C9orf72: variants seen among roughly 807,000 people sequenced by gnomAD.
C9orf72 encodes guanine nucleotide exchange factor C9orf72.
Under a neutral mutation model 51.6 loss-of-function variants are expected in C9orf72, and 44 were observed. That is an observed-to-expected ratio of 0.85 (90% CI 0.67 to 1.10). The LOEUF (loss-of-function observed/expected upper bound fraction) is 1.10, where lower values mean the gene tolerates loss of function less well. C9orf72 is among the 50% of genes least tolerant of loss of function. C9orf72 has a pLI of 0.00. For synonymous variants in C9orf72, 213 were observed against 194.2 expected, an observed-to-expected ratio of 1.10 and a Z score of -0.81; for missense variants, 607 against 570.6, an observed-to-expected ratio of 1.06 and a Z score of -0.65.
At chr9:27,562,533 C>A in intron 3 of C9orf72, 57 bp from the exon 4 acceptor site, 1 of 822,420 alleles carries the variant, frequency 1.2e-6, no homozygotes, top group Non-Finnish European at 1.9e-6. Context: ...AGAAGCTGGG[C>A]AATAAAAAAT....
intron 1 of C9orf72, 126 bp downstream of exon 1, chr9:27,573,305 T>A (rs973726677): frequency 2.5e-5 from 4 of 163,046 alleles, no homozygotes; most frequent in African/African-American, 9.7e-5. Context: ...CCAGCTTCGG[T>A]CAGAGAAATG....
At chr9:27,561,897 C>G (rs1819359596) in intron 4 of C9orf72, among the ~76,000 whole-genome samples, 1 of 152,154 alleles carries the variant, frequency 6.6e-6, no homozygotes, top group Non-Finnish European at 1.5e-5. Flanking sequence ...CTGTCAGAAT[C>G]AGGAGACTAA....
chr9:27,567,462 T>A (rs1350283083), intron 1 of C9orf72, among the ~76,000 whole-genome samples: 1 of 152,154 alleles, frequency 6.6e-6, no homozygotes, highest in African/African-American at 2.4e-5. Context: ...TGTTACATAC[T>A]AAAGCTCATA....
Position 27,548,543 on chromosome 9 carries a change from G to C in C9orf72, c.1259+14C>G. 1 of 1,533,478 alleles carries C rather than the reference G, an allele frequency of 6.5e-7. No homozygotes were observed. The allele number at this position is 1,533,478 out of a possible 1,614,324, so 95.0% of individuals were successfully genotyped here. A position where few individuals can be genotyped will look rare whatever the true frequency, so the allele number is the denominator to read the frequency against. On this transcript the variant is annotated intron_variant, in intron 10 of 10. Transcript: ENST00000380003. ...TGTACAAAGGTTTTTCTTCCGTGTA[G>C]GAGTTTTACTCACGTATCGTCTTCT...
At chr9:27,569,097 TAAAATAG>T (rs1010094193) in intron 1 of C9orf72, among the ~76,000 whole-genome samples, 3 of 151,904 alleles carry the variant, frequency 2.0e-5, no homozygotes, top group African/African-American at 4.8e-5. Context: ...AAAAAAAATT[TAAAATAG>T]AAAATAGAAA....
chr9:27,566,029 C>G (rs753111644), intron 2 of C9orf72, among the ~76,000 whole-genome samples: 39 of 152,000 alleles, frequency 2.6e-4, no homozygotes, highest in Non-Finnish European at 2.5e-4. Flanking sequence ...TGGGCAAAAG[C>G]CTTTTAAAAC....
chr9:27,560,122 T>C (rs1819302935), intron 6 of C9orf72, 105 bp downstream of exon 6: 1 of 666,108 alleles, frequency 1.5e-6, no homozygotes, highest in Non-Finnish European at 2.4e-6. Context: ...TGCCTCCTTA[T>C]ACTACTAGAT....
intron 5 of C9orf72, chr9:27,560,808 A>T (rs2131539253): frequency 1.0e-6 from 1 of 959,918 alleles, no homozygotes; most frequent in African/African-American, 1.8e-5. Flanking sequence ...CTTCTCTTTT[A>T]TTAAAAGTAA....
chr9:27,566,141 T>C (rs1224788319), intron 2 of C9orf72, among the ~76,000 whole-genome samples: 1 of 152,088 alleles, frequency 6.6e-6, no homozygotes, highest in African/African-American at 2.4e-5. Flanking sequence ...GAAATGTAAA[T>C]AGCATTATAT....
intron 6 of C9orf72, 113 bp downstream of exon 6, chr9:27,560,114 C>T (rs938480304): frequency 6.9e-6 from 4 of 582,406 alleles, no homozygotes; most frequent in Admixed American, 3.8e-5. Flanking sequence ...GATTACATTG[C>T]CTCCTTATAC....
intron 3 of C9orf72, among the ~76,000 whole-genome samples, 175 bp from the exon 4 acceptor site, chr9:27,562,651 A>G (rs1157600937): frequency 1.3e-5 from 2 of 151,898 alleles, no homozygotes; most frequent in Non-Finnish European, 2.9e-5. Context: ...TATGCAATCC[A>G]AAGCTCACTT....
intron 1 of C9orf72, among the ~76,000 whole-genome samples, chr9:27,568,829 CCTT>C (rs1183819023): frequency 4.0e-5 from 6 of 151,884 alleles, no homozygotes; most frequent in Admixed American, 1.3e-4. Context: ...AGAGTGCACT[CCTT>C]CTACTTTTTT....
rs541581034 is a variant in C9orf72 at position 27,563,032 on chromosome 9, A to G, written c.505-556T>C. Among the ~76,000 whole-genome samples, 13 of 23,488 alleles carry G rather than the reference A, an allele frequency of 5.5e-4. No homozygotes were observed. The Admixed American group carries it at 0.01, about 19-fold the overall frequency. 15.4% of individuals were successfully genotyped at this position (23,488 alleles called of 152,430 possible). ...AAGATCTCCTTTAAAATTTGAGATA[A>G]AAAAAATTTGTTAAAGGTCATCAAT... On this transcript the variant is annotated intron_variant, in intron 3 of 10. Coordinates refer to ENST00000380003, the MANE Select transcript of C9orf72 (RefSeq NM_018325.5).
At chr9:27,558,036 AG>A (rs1241003238) in intron 7 of C9orf72, among the ~76,000 whole-genome samples, 1 of 150,200 alleles carries the variant, frequency 6.7e-6, no homozygotes, top group Non-Finnish European at 1.5e-5. Context: ...CTCAAATAAA[AG>A]AAAAATACAA....
Position 27,567,084 on chromosome 9 carries a change from C to T in C9orf72, c.37G>A (p.Ala13Thr), listed in dbSNP as rs1819485696. The change falls in exon 2 of 11, where the codon GCC (alanine) becomes ACC (threonine). Residue 13 changes from alanine to threonine, a missense_variant. Transcript: ENST00000380003. ...TLCPPPSPAV[A>T]KTEIALSGKS... ...CCACTTAAAGCAATCTCTGTCTTGG[C>T]AACAGCTGGAGATGGCGGTGGGCAA... is the stretch of plus-strand genomic sequence containing the variant. 6.2e-7 allele frequency: 1 copy of T among 1,613,916 alleles called. No homozygotes were observed. The highest frequency in any genetic ancestry group is 8.5e-7 in the Non-Finnish European group (1 of 1,179,846).
intron 6 of C9orf72, chr9:27,558,836 A>G (rs1587309488): frequency 2.5e-6 from 1 of 394,920 alleles, no homozygotes; most frequent in East Asian, 5.1e-5. Flanking sequence ...ATGGCATCTC[A>G]AAACCTTTAA....
chr9:27,570,507 T>C (rs1465442151), intron 1 of C9orf72, among the ~76,000 whole-genome samples: 1 of 152,086 alleles, frequency 6.6e-6, no homozygotes, highest in Non-Finnish European at 1.5e-5. Context: ...TAGGGAAACT[T>C]TTACCACGTT....
chr9:27,565,965 C>T (rs977243143), intron 2 of C9orf72, among the ~76,000 whole-genome samples: 4 of 152,080 alleles, frequency 2.6e-5, no homozygotes, highest in African/African-American at 9.7e-5. Context: ...GGAAGTAAGC[C>T]TGCAAACATA....
chr9:27,551,731 A>C (rs1587300631), intron 8 of C9orf72, among the ~76,000 whole-genome samples: 1 of 152,036 alleles, frequency 6.6e-6, no homozygotes, highest in South Asian at 2.1e-4. Flanking sequence ...AATAAGGCTT[A>C]TATTTAATCG....
Sources: allele counts gnomAD v4.1 joint callset (sites outside exome capture counted in the v4.1 genomes callset), GRCh38; gene constraint gnomAD v4.1.1; transcripts MANE v1.5; gene names NCBI Gene and HGNC (gene_info 2026-07-23, HGNC 2026-07-21).